Variants in USO1 observed in about 807,000 individuals in gnomAD.
USO1 encodes the protein USO1 vesicle transport factor.
A neutral mutation model predicts 124.5 loss-of-function variants in USO1; 57 were observed. The ratio of observed to expected loss-of-function variants is 0.46; its 90% CI spans 0.37 to 0.57. USO1 has a LOEUF of 0.57. USO1 is among the 20% of genes least tolerant of loss of function. The pLI is 0.00. For synonymous variants in USO1, 369 were observed against 362.8 expected (o/e 1.02, Z -0.19); for missense variants, 900 against 1,040.6 (o/e 0.86, Z 1.86).
intron 18 of USO1, among the ~76,000 whole-genome samples, chr4:75,804,521 A>C (rs1243753623): frequency 6.6e-6 from 1 of 152,208 alleles, no homozygotes; most frequent in Non-Finnish European, 1.5e-5. Flanking sequence ...CCCTGGCTGC[A>C]TATTAGAATC....
At chr4:75,785,814 T>G (rs1156916454) in intron 9 of USO1, among the ~76,000 whole-genome samples, 1 of 152,050 alleles carries the variant, frequency 6.6e-6, no homozygotes, top group African/African-American at 2.4e-5. Flanking sequence ...GTGGTACAAT[T>G]GACATATTGC....
intron 7 of USO1, among the ~76,000 whole-genome samples, chr4:75,774,228 G>T: frequency 6.6e-6 from 1 of 152,102 alleles, no homozygotes; most frequent in East Asian, 1.9e-4. Flanking sequence ...ATGTTTACAA[G>T]AATTTCTGAA....
chr4:75,737,785 A>C (rs1173785107), intron 1 of USO1, among the ~76,000 whole-genome samples: 3 of 152,042 alleles, frequency 2.0e-5, no homozygotes, highest in Non-Finnish European at 4.4e-5. Flanking sequence ...TGAGTCAAAT[A>C]GATTTTTCAA....
chr4:75,804,590 T>C (rs1184163464), intron 18 of USO1, among the ~76,000 whole-genome samples: 3 of 152,204 alleles, frequency 2.0e-5, no homozygotes, highest in Non-Finnish European at 2.9e-5. Flanking sequence ...GTGTTTCTGA[T>C]TTAATAAATC....
At chr4:75,744,061 C>T (rs143008618) in intron 1 of USO1, among the ~76,000 whole-genome samples, 2,241 of 152,296 alleles carry the variant, frequency 0.015, 54 homozygotes, top group African/African-American at 0.051. Flanking sequence ...CAGGCATGAG[C>T]CACTGTGCCT....
At chr4:75,774,558 G>A in intron 7 of USO1, 118 bp from the exon 8 acceptor site, 1 of 1,205,178 alleles carries the variant, frequency 8.3e-7, no homozygotes, top group Non-Finnish European at 1.1e-6. Context: ...TATGTATAAA[G>A]TAAAGGAGTT....
chr4:75,737,111 T>A (rs2149141049), intron 1 of USO1, among the ~76,000 whole-genome samples: 1 of 152,320 alleles, frequency 6.6e-6, no homozygotes, highest in Admixed American at 6.5e-5. Context: ...GAGAACCAAT[T>A]TAATGTAGTG....
intron 5 of USO1, 137 bp downstream of exon 5, chr4:75,770,676 A>G (rs571715124): frequency 3.5e-6 from 5 of 1,443,558 alleles, no homozygotes; most frequent in East Asian, 4.8e-5. Context: ...ATCCACATGG[A>G]TGTTTCAAGA....
At chr4:75,734,976 G>A (rs1261749396) in intron 1 of USO1, among the ~76,000 whole-genome samples, 5 of 151,788 alleles carry the variant, frequency 3.3e-5, no homozygotes, top group Admixed American at 1.3e-4. Flanking sequence ...TGATCCACCC[G>A]CCTCAGCCTC....
At chr4:75,800,096 C>T (rs934173819) in intron 14 of USO1, among the ~76,000 whole-genome samples, 11 of 151,854 alleles carry the variant, frequency 7.2e-5, no homozygotes, top group South Asian at 6.2e-4. Context: ...TACAGGTGTG[C>T]GCAACCACAA....
At chr4:75,783,685 G>T (rs1722283909) in intron 9 of USO1, among the ~76,000 whole-genome samples, 2 of 152,142 alleles carry the variant, frequency 1.3e-5, no homozygotes, top group African/African-American at 4.8e-5. Context: ...CATGCCATGG[G>T]AGTTGCCTGC....
At chr4:75,759,767 G>T (rs1403657800) in intron 4 of USO1, among the ~76,000 whole-genome samples, 1 of 151,822 alleles carries the variant, frequency 6.6e-6, no homozygotes, top group Non-Finnish European at 1.5e-5. Context: ...AAATTAGCCA[G>T]CCATGGTGTT....
At chr4:75,762,980 T>C (rs1459161819) in intron 4 of USO1, among the ~76,000 whole-genome samples, 1 of 152,216 alleles carries the variant, frequency 6.6e-6, no homozygotes, top group African/African-American at 2.4e-5. Flanking sequence ...TAACTACCAG[T>C]ATAAACGAAG....
At chr4:75,726,158 G>A (rs985081586) in intron 1 of USO1, among the ~76,000 whole-genome samples, 2 of 151,950 alleles carry the variant, frequency 1.3e-5, no homozygotes, top group African/African-American at 4.8e-5. Flanking sequence ...GCACATGCCT[G>A]TAATCCCAGC....
At chr4:75,811,097 A>G (rs1342446160) in intron 22 of USO1, among the ~76,000 whole-genome samples, 1 of 152,152 alleles carries the variant, frequency 6.6e-6, no homozygotes, top group African/African-American at 2.4e-5. Flanking sequence ...AAGCATACAT[A>G]TGCATGTACT....
At chr4:75,751,984 T>A (rs1198453489) in intron 1 of USO1, among the ~76,000 whole-genome samples, 5 of 152,212 alleles carry the variant, frequency 3.3e-5, no homozygotes, top group Non-Finnish European at 7.3e-5. Context: ...AAAAAGATGA[T>A]GTAAACAATT....
At chr4:75,802,003 G>C (rs570161260) in intron 17 of USO1, among the ~76,000 whole-genome samples, 15 of 152,264 alleles carry the variant, frequency 9.9e-5, no homozygotes, top group Admixed American at 2.0e-4. Context: ...ATTTTTAGTA[G>C]AGATGAGGTT....
At chr4:75,805,031 T>G in intron 18 of USO1, 109 bp from the exon 19 acceptor site, 2 of 1,363,736 alleles carry the variant, frequency 1.5e-6, no homozygotes, top group Non-Finnish European at 9.7e-7. Context: ...ATTGCAAAAG[T>G]GCTGCCAAAG....
chr4:75,752,010 TTAAA>T (rs1268283009), intron 1 of USO1, among the ~76,000 whole-genome samples: 1 of 152,198 alleles, frequency 6.6e-6, no homozygotes, highest in African/African-American at 2.4e-5. Flanking sequence ...TTTAAAAATT[TTAAA>T]TAACTTTCTG....
Sources: gnomAD v4.1 joint callset for allele counts (sites outside exome capture counted in the v4.1 genomes callset) on GRCh38, gnomAD v4.1.1 for gene constraint, MANE v1.5 for transcripts, NCBI Gene and HGNC (gene_info 2026-07-23, HGNC 2026-07-21) for gene names.